Variants in RGS6 observed in about 807,000 individuals in gnomAD.
RGS6 encodes the protein regulator of G protein signaling 6.
Under a neutral mutation model 78.5 loss-of-function variants are expected in RGS6, and 30 were observed. That is an observed-to-expected ratio of 0.38 (90% confidence interval 0.29 to 0.52). RGS6 has a LOEUF of 0.52. RGS6 is among the 20% of genes least tolerant of loss of function. The pLI is 0.85. For synonymous variants in RGS6, 206 were observed against 206.0 expected (o/e 1.00, Z 0.00); for missense variants, 495 against 609.7 (o/e 0.81, Z 1.98).
At chr14:71,891,062 A>T in the RGS6 span, among the ~76,000 whole-genome samples, 1 of 152,194 alleles carries the variant, frequency 6.6e-6, no homozygotes, top group South Asian at 2.1e-4. Flanking sequence ...AAGGCTCCAC[A>T]GTTATTAAGA....
intron 2 of RGS6, among the ~76,000 whole-genome samples, chr14:72,115,303 T>C (rs1423931234): frequency 1.3e-5 from 2 of 152,140 alleles, no homozygotes; most frequent in Non-Finnish European, 2.9e-5. Context: ...GCTGTGTCTC[T>C]CTCTGATGCT....
At chr14:72,545,812 G>A (rs536402105) in intron 17 of RGS6, among the ~76,000 whole-genome samples, 51 of 152,138 alleles carry the variant, frequency 3.4e-4, no homozygotes, top group Middle Eastern at 3.4e-3. Flanking sequence ...GTGAGTCGCC[G>A]GAGGGTCAGG....
chr14:72,435,478 A>G (rs1388193189), intron 3 of RGS6, among the ~76,000 whole-genome samples: 1 of 152,214 alleles, frequency 6.6e-6, no homozygotes, highest in South Asian at 2.1e-4. Flanking sequence ...AGATGTGTGT[A>G]TGAGTTTTCT....
At chr14:72,094,198 C>G (rs747828673) in intron 2 of RGS6, among the ~76,000 whole-genome samples, 1 of 152,152 alleles carries the variant, frequency 6.6e-6, no homozygotes, top group African/African-American at 2.4e-5. Context: ...CAAAGTGTTT[C>G]TTTTTTGCCT....
In RGS6 at chr14:71,932,470, T is replaced by A. The variant is rs912312263; in HGVS notation, c.-492T>A. ...TGGGGCAGCTCCTCGCGCTCGGCCC[T>A]GCTCGGCGGCGAGAGCTCCGCCTGG... On this transcript the variant is annotated 5_prime_UTR_variant, in exon 1 of 18. Coordinates refer to ENST00000553525, the MANE Select transcript of RGS6 (RefSeq NM_001204424.2). The A allele has an allele frequency of 6.6e-6, 1 of 151,694 alleles. No individual in the cohort carries two copies. The highest frequency in any genetic ancestry group is 2.4e-5 in the African/African-American group (1 of 41,374). The allele number at this position is 151,694 out of a possible 1,614,324, so 9.4% of individuals were successfully genotyped here. A position where few individuals can be genotyped will look rare whatever the true frequency, so the allele number is the denominator to read the frequency against.
chr14:72,050,717 G>A (rs2093178864), intron 2 of RGS6, among the ~76,000 whole-genome samples: 1 of 152,196 alleles, frequency 6.6e-6, no homozygotes, highest in South Asian at 2.1e-4. Flanking sequence ...TTTGAATTCA[G>A]GAGTCCTCTT....
chr14:72,540,221 C>T, intron 17 of RGS6, 127 bp downstream of exon 17: 1 of 1,529,670 alleles, frequency 6.5e-7, no homozygotes, highest in Non-Finnish European at 8.8e-7. Flanking sequence ...AGTGCTTTCT[C>T]CCTCGACTCA....
At chr14:72,569,321 C>T (rs1000028921), downstream of RGS6, among the ~76,000 whole-genome samples, 1 of 152,142 alleles carries the variant, frequency 6.6e-6, no homozygotes, top group Non-Finnish European at 1.5e-5. Flanking sequence ...ATTCCTTCCC[C>T]CTACCCCTCT....
At chr14:72,024,460 C>T (rs750141395) in intron 2 of RGS6, among the ~76,000 whole-genome samples, 1 of 152,178 alleles carries the variant, frequency 6.6e-6, no homozygotes, top group Non-Finnish European at 1.5e-5. Flanking sequence ...TCCTGCTTAT[C>T]CCCTGTCCTC....
intron 16 of RGS6, 47 bp from the exon 17 acceptor site, chr14:72,539,994 T>C: frequency 6.7e-7 from 1 of 1,503,112 alleles, no homozygotes; most frequent in Non-Finnish European, 8.9e-7. Context: ...GCTGAAGATT[T>C]TTTTTTTCTG....
chr14:72,491,921 G>A (rs536116666), intron 12 of RGS6, among the ~76,000 whole-genome samples: 20 of 152,270 alleles, frequency 1.3e-4, no homozygotes, highest in Admixed American at 9.8e-4. Context: ...GCCCTACTAG[G>A]AAACAATCCT....
At chr14:72,048,095 G>A (rs530683884) in intron 2 of RGS6, among the ~76,000 whole-genome samples, 5 of 151,954 alleles carry the variant, frequency 3.3e-5, no homozygotes, top group South Asian at 2.1e-4. Context: ...CAAAGTGAAC[G>A]GAACAAGAGA....
intron 1 of RGS6, among the ~76,000 whole-genome samples, chr14:71,938,808 C>T (rs1431448876): frequency 2.0e-5 from 3 of 152,258 alleles, no homozygotes; most frequent in Non-Finnish European, 4.4e-5. Flanking sequence ...CCCAGTCAAA[C>T]GTTCAGTTTC....
intron 2 of RGS6, among the ~76,000 whole-genome samples, chr14:72,288,717 G>T (rs2239256): frequency 6.6e-6 from 1 of 152,122 alleles, no homozygotes; most frequent in African/African-American, 2.4e-5. Context: ...AAAGAAGGCC[G>T]GGCACATTAG....
intron 15 of RGS6, among the ~76,000 whole-genome samples, chr14:72,521,912 T>C (rs1410574286): frequency 6.6e-6 from 1 of 152,256 alleles, no homozygotes; most frequent in Non-Finnish European, 1.5e-5. Flanking sequence ...ATTTTTCTAA[T>C]GTCACTAATA....
chr14:72,334,377 G>T lies in RGS6; in HGVS notation c.85-17718G>T, dbSNP rs950923335. ...CGCCTACAAAAACCTGGGGAAGCTG[G>T]CAGGGCAGGGGGTGGGGAGGTTAAG... On this transcript the variant is annotated intron_variant, in intron 2 of 17. Transcript: ENST00000553525. 1.3e-4 allele frequency among the ~76,000 whole-genome samples: 20 copies of T among 152,342 alleles called. No homozygotes were observed. The East Asian group carries it at 3.5e-3, about 26-fold the overall frequency.
intron 2 of RGS6, among the ~76,000 whole-genome samples, chr14:72,134,921 C>T (rs970954343): frequency 6.6e-6 from 1 of 152,140 alleles, no homozygotes; most frequent in African/African-American, 2.4e-5. Flanking sequence ...GTGGTGTCCG[C>T]CCACATTGGT....
chr14:72,239,555 C>A (rs947971038), intron 2 of RGS6, among the ~76,000 whole-genome samples: 5 of 152,190 alleles, frequency 3.3e-5, no homozygotes, highest in African/African-American at 1.2e-4. Context: ...CCTTCTCCTG[C>A]CCCGCTCATG....
At chr14:72,428,068 CT>C (rs891365028) in intron 3 of RGS6, among the ~76,000 whole-genome samples, 1 of 152,126 alleles carries the variant, frequency 6.6e-6, no homozygotes, top group Non-Finnish European at 1.5e-5. Context: ...GGATCCTTAG[CT>C]TAGGCAAAGG....
Sources: gnomAD v4.1 joint callset for allele counts (sites outside exome capture counted in the v4.1 genomes callset) on GRCh38, gnomAD v4.1.1 for gene constraint, MANE v1.5 for transcripts, NCBI Gene and HGNC (gene_info 2026-07-23, HGNC 2026-07-21) for gene names.